Variants in CENPX observed in about 807,000 individuals in gnomAD.
The protein encoded by CENPX is centromere protein X.
Under a neutral mutation model 13.2 loss-of-function variants are expected in CENPX, and 13 were observed. The ratio of observed to expected loss-of-function variants is 0.98; its 90% CI spans 0.64 to 1.56. The LOEUF (loss-of-function observed/expected upper bound fraction) is 1.56. CENPX is among the 40% of genes most tolerant of loss of function. CENPX has a pLI of 0.00. For synonymous variants in CENPX, 66 were observed against 47.2 expected, an observed-to-expected ratio of 1.40 and a Z score of -1.63; for missense variants, 138 against 107.5, an observed-to-expected ratio of 1.28 and a Z score of -1.26.
chr17:82,019,660 C>A lies in CENPX; in HGVS notation c.123G>T (p.Leu41Phe). The change falls in exon 3 of 5, where the codon TTG (leucine) becomes TTT (phenylalanine). Residue 41 changes from leucine to phenylalanine, a missense_variant. By Grantham distance (22) the Leu-to-Phe change is conservative (BLOSUM62 0). Coordinates refer to ENST00000392359, the MANE Select transcript of CENPX (RefSeq NM_001271006.2). ...SGDALQLMVE[L>F]LKVFVVEAAV... ...GCTCACCCACAACGAAGACCTTCAG[C>A]AACTCCACCATGAGCTGCAGCGCGT... 1 of 1,550,312 alleles carries A rather than the reference C, an allele frequency of 6.5e-7. No homozygotes were observed. The highest frequency in any genetic ancestry group is 8.7e-7 in the Non-Finnish European group (1 of 1,146,968).
chr17:82,022,818 G>T lies in CENPX; in HGVS notation c.36+8C>A. 6.3e-7 allele frequency: 1 copy of T among 1,585,338 alleles called. No individual in the cohort carries two copies. Among genetic ancestry groups the T allele is most frequent in the Non-Finnish European group, 8.6e-7 (1 of 1,168,814 alleles). The stretch of plus-strand genomic sequence containing the variant: ...GCGCCTGCCTAGCCCCTGCCCTCCG[G>T]CCCTCACCTTCCGGAAGCCGGATCC... On this transcript the variant is annotated splice_region_variant and intron_variant, in intron 1 of 4. Coordinates refer to ENST00000392359, the MANE Select transcript of CENPX (RefSeq NM_001271006.2).
At chr17:82,022,738 G>A in intron 1 of CENPX, 88 bp downstream of exon 1, 2 of 1,448,358 alleles carry the variant, frequency 1.4e-6, no homozygotes, top group Non-Finnish European at 9.4e-7. Context: ...GGGGCGGCGC[G>A]GGGGCTGGCG....
intron 3 of CENPX, 99 bp from the exon 4 acceptor site, chr17:82,019,480 C>T (rs1439854434): frequency 1.5e-5 from 23 of 1,509,058 alleles, no homozygotes; most frequent in African/African-American, 8.3e-5. Context: ...CCAACACCCA[C>T]GGGCAGCCCC....
At chr17:82,020,183 C>G (rs1463443620) in intron 1 of CENPX, among the ~76,000 whole-genome samples, 2 of 152,234 alleles carry the variant, frequency 1.3e-5, no homozygotes, top group Non-Finnish European at 2.9e-5. Flanking sequence ...GACACGGGAG[C>G]AGGCCCCGCT....
intron 1 of CENPX, 119 bp from the exon 2 acceptor site, chr17:82,020,028 G>A: frequency 1.0e-6 from 1 of 988,884 alleles, no homozygotes; most frequent in Non-Finnish European, 1.5e-6. Context: ...CTGTGCCTGA[G>A]CCTCTCCCAG....
At chr17:82,022,667 G>T (rs2144131585) in intron 1 of CENPX, 159 bp downstream of exon 1, 2 of 836,688 alleles carry the variant, frequency 2.4e-6, no homozygotes, top group South Asian at 3.4e-5. Context: ...CCACGAGGGC[G>T]CGGGGCGCGC....
intron 1 of CENPX, among the ~76,000 whole-genome samples, chr17:82,021,298 G>A (rs1419052849): frequency 2.0e-5 from 3 of 152,212 alleles, no homozygotes; most frequent in South Asian, 2.1e-4. Context: ...GTCACCACCC[G>A]CATGAGCCCA....
rs144181420 is a variant in CENPX, at chr17:82,019,311, C to T, written c.213G>A (p.Glu71=). ...DALRVDVDQL[E]KVLPQLLLDF ...CACGCACCAGCTGCGGAAGCACCTT[C>T]TCCAGCTGGTCCACGTCCACACGGA... Residue 71 remains glutamate, a synonymous_variant, in exon 4 of 5, where the codon GAG becomes GAA. Coordinates refer to ENST00000392359, the MANE Select transcript of CENPX (RefSeq NM_001271006.2). The T allele has an allele frequency of 2.5e-6, 4 of 1,592,598 alleles. No homozygotes were observed. In the African/African-American group the frequency reaches 5.3e-5, roughly 21 times the overall value.
In CENPX at chr17:82,019,880, G is replaced by A. The variant is rs1180183281; in HGVS notation, c.66C>T (p.His22=). The A allele has an allele frequency of 1.3e-6, 2 of 1,595,474 alleles. No individual in the cohort carries two copies. The highest frequency in any genetic ancestry group is 1.7e-6 in the Non-Finnish European group (2 of 1,167,708). The change falls in exon 2 of 5, where the codon CAC becomes CAT. Residue 22 remains histidine (H), a synonymous_variant. Transcript: ENST00000392359. Reference sequence around the variant, plus strand: ...CACCTTTGGTCTTGTCATCCTTGAAGTGCAGGTGCAGCAGCCTGCTCACCA... The same window carrying A: ...CACCTTTGGTCTTGTCATCCTTGAAATGCAGGTGCAGCAGCCTGCTCACCA... ...KELVSRLLHL[H]FKDDKTKVSG...
intron 3 of CENPX, 108 bp downstream of exon 3, chr17:82,019,533 C>G: frequency 6.5e-7 from 1 of 1,539,146 alleles, no homozygotes; most frequent in Non-Finnish European, 8.8e-7. Context: ...TCAGGAGACC[C>G]AAGTTTAGGC....
chr17:82,022,453 C>T (rs2043304908), intron 1 of CENPX, among the ~76,000 whole-genome samples: 1 of 152,268 alleles, frequency 6.6e-6, no homozygotes, highest in South Asian at 2.1e-4. Flanking sequence ...GACGATCTCA[C>T]TGTCCCCGTC....
chr17:82,021,843 C>T (rs1052750629), intron 1 of CENPX, among the ~76,000 whole-genome samples: 21 of 152,232 alleles, frequency 1.4e-4, no homozygotes, highest in African/African-American at 4.6e-4. Context: ...TTCTGAATTC[C>T]GGCAAGAATC....
intron 1 of CENPX, among the ~76,000 whole-genome samples, chr17:82,021,521 G>A (rs1302716333): frequency 1.3e-5 from 2 of 152,224 alleles, no homozygotes; most frequent in Non-Finnish European, 2.9e-5. Flanking sequence ...GGCCTCGGAA[G>A]GCAGGCCCAG....
intron 2 of CENPX, 68 bp downstream of exon 2, chr17:82,019,790 G>A: frequency 6.4e-7 from 1 of 1,568,208 alleles, no homozygotes; most frequent in Non-Finnish European, 8.7e-7. Context: ...TGGCCCTGCA[G>A]AGTTGCAGGA....
At chr17:82,022,670 G>A in intron 1 of CENPX, 156 bp downstream of exon 1, 1 of 873,708 alleles carries the variant, frequency 1.1e-6, no homozygotes, top group Admixed American at 2.6e-5. Context: ...CGAGGGCGCG[G>A]GGCGCGCGGC....
Position 82,019,846 on chromosome 17 carries a change from C to A in CENPX, c.88+12G>T. 1 of 1,599,304 alleles carries A rather than the reference C, an allele frequency of 6.3e-7. No individual in the cohort carries two copies. ...ACGGGGACCCACCTCCCGCCCGCAC[C>A]CCCACCCGCACCTTTGGTCTTGTCA... On this transcript the variant is annotated intron_variant, in intron 2 of 4. Coordinates refer to ENST00000392359, the MANE Select transcript of CENPX (RefSeq NM_001271006.2).
At chr17:82,019,548 G>A in intron 3 of CENPX, 93 bp downstream of exon 3, 1 of 1,546,448 alleles carries the variant, frequency 6.5e-7, no homozygotes, top group Non-Finnish European at 8.7e-7. Context: ...TTAGGCCCTT[G>A]TGGGAAACGG....
intron 1 of CENPX, among the ~76,000 whole-genome samples, chr17:82,020,995 C>A (rs923706008): frequency 6.6e-6 from 1 of 152,102 alleles, no homozygotes. Flanking sequence ...GGAGCCAGCA[C>A]GGAGAGTCCA....
At chr17:82,022,126 C>T (rs747744314) in intron 1 of CENPX, among the ~76,000 whole-genome samples, 6 of 152,172 alleles carry the variant, frequency 3.9e-5, no homozygotes, top group Non-Finnish European at 5.9e-5. Flanking sequence ...CTGCCTGCAC[C>T]GATGGGGTCC....
Sources: gnomAD v4.1 joint callset for allele counts (sites outside exome capture counted in the v4.1 genomes callset) on GRCh38, gnomAD v4.1.1 for gene constraint, MANE v1.5 for transcripts, NCBI Gene and HGNC (gene_info 2026-07-23, HGNC 2026-07-21) for gene names.